Variants in FOCAD observed in about 807,000 individuals in gnomAD.
FOCAD encodes the protein focadhesin.
In FOCAD, 198 loss-of-function variants were observed where a neutral mutation model predicts 225.6. The ratio of observed to expected loss-of-function variants is 0.88; its 90% CI spans 0.78 to 0.99. The LOEUF (loss-of-function observed/expected upper bound fraction) is 0.99, where lower values mean the gene tolerates loss of function less well. Ranked by LOEUF, FOCAD falls within the 50% of genes least tolerant of loss-of-function variation. The probability of loss-of-function intolerance (pLI) is 0.00; values close to 1 mark genes in which losing one functional copy is unlikely to be tolerated. For missense variants in FOCAD, 2,713 were observed against 2,123.6 expected, an observed-to-expected ratio of 1.28 and a Z score of -5.46; for synonymous variants, 897 against 755.0, an observed-to-expected ratio of 1.19 and a Z score of -3.08.
At chr9:20,868,300 C>T (rs552220995) in intron 18 of FOCAD, among the ~76,000 whole-genome samples, 3 of 152,090 alleles carry the variant, frequency 2.0e-5, no homozygotes, top group African/African-American at 7.2e-5. Flanking sequence ...TAAATCACAG[C>T]ATAAAAATTA....
intron 15 of FOCAD, among the ~76,000 whole-genome samples, chr9:20,855,426 T>C (rs1828073698): frequency 6.6e-6 from 1 of 151,642 alleles, no homozygotes; most frequent in South Asian, 2.1e-4. Context: ...TAAATTGTTT[T>C]TTAATTTTTA....
intron 40 of FOCAD, among the ~76,000 whole-genome samples, chr9:20,986,889 G>A (rs539180894): frequency 6.6e-6 from 1 of 152,266 alleles, no homozygotes; most frequent in Non-Finnish European, 1.5e-5. Context: ...GAACTTCTCT[G>A]GGATGAGAAT....
At chr9:20,714,634 G>GCCTGCCTTCCTTCCTT (rs1270720981) in intron 1 of FOCAD, among the ~76,000 whole-genome samples, 6 of 120,124 alleles carry the variant, frequency 5.0e-5, no homozygotes, top group African/African-American at 1.5e-4. Context: ...CTGCCTGCCT[G>GCCTGCCTTCCTTCCTT]CCTTCCTTCC....
chr9:20,952,913 T>C (rs1324721622), intron 34 of FOCAD, 72 bp from the exon 35 acceptor site: 1 of 1,159,674 alleles, frequency 8.6e-7, no homozygotes, highest in Non-Finnish European at 1.3e-6. Flanking sequence ...TATGGCAGCA[T>C]GAGATCATTA....
chr9:20,841,396 C>CT (rs139706361), intron 15 of FOCAD, among the ~76,000 whole-genome samples: 2,399 of 144,734 alleles, frequency 0.017, 29 homozygotes, highest in Non-Finnish European at 0.026. Flanking sequence ...AGTTTCTGGG[C>CT]TTTTTTTTTT....
At chr9:20,885,335 A>C in intron 21 of FOCAD, 105 bp downstream of exon 21, 1 of 1,219,064 alleles carries the variant, frequency 8.2e-7, no homozygotes, top group Non-Finnish European at 1.1e-6. Flanking sequence ...TAATTAATGT[A>C]AGTTGCTTTT....
rs566637003 is a variant in FOCAD at position 20,717,677 on chromosome 9, G to A, written c.58-117G>A. ...ATGCCTTCTACATAGCACACACTTA[G>A]TTAATGGGAATTTTACTTAATCCTA... is the stretch of plus-strand genomic sequence containing the variant. On this transcript the variant is annotated intron_variant, in intron 2 of 43. Transcript: ENST00000338382. The A allele has an allele frequency of 1.2e-4, 90 of 739,554 alleles. No individual in the cohort carries two copies. The African/African-American group carries it at 1.5e-3, about 13-fold the overall frequency. 45.8% of individuals were successfully genotyped at this position (739,554 alleles called of 1,614,324 possible). A position where few individuals can be genotyped will look rare whatever the true frequency, so the allele number is the denominator to read the frequency against.
At chr9:20,723,611 G>T (rs1398698876) in intron 4 of FOCAD, among the ~76,000 whole-genome samples, 1 of 152,218 alleles carries the variant, frequency 6.6e-6, no homozygotes, top group South Asian at 2.1e-4. Context: ...AAGACAAACT[G>T]TTAGTAGGTC....
intron 15 of FOCAD, among the ~76,000 whole-genome samples, chr9:20,839,463 G>T (rs1327854994): frequency 6.6e-6 from 1 of 151,662 alleles, no homozygotes; most frequent in Non-Finnish European, 1.5e-5. Flanking sequence ...GGTTTGCCAT[G>T]TTGCCCAGGC....
chr9:20,730,878 A>T (rs1826628586), intron 4 of FOCAD, among the ~76,000 whole-genome samples: 1 of 152,148 alleles, frequency 6.6e-6, no homozygotes. Flanking sequence ...GTTGGTTTTA[A>T]TGTTGTAGGA....
At chr9:20,706,909 G>A (rs1005095724) in intron 1 of FOCAD, among the ~76,000 whole-genome samples, 1 of 152,178 alleles carries the variant, frequency 6.6e-6, no homozygotes, top group African/African-American at 2.4e-5. Context: ...CTTCATGTGC[G>A]TGGTTGTGTC....
intron 5 of FOCAD, among the ~76,000 whole-genome samples, chr9:20,748,345 A>G (rs1828244705): frequency 6.6e-6 from 1 of 152,012 alleles, no homozygotes; most frequent in South Asian, 2.1e-4. Context: ...CAGGAGTTCT[A>G]AGGAGACTGA....
At position 20,789,541 on chromosome 9, in the gene FOCAD, A is replaced by G; in HGVS notation, c.1388A>G (p.Asp463Gly). The G allele has an allele frequency of 6.2e-7, 1 of 1,614,012 alleles. No homozygotes were observed. Among genetic ancestry groups the G allele is most frequent in the Non-Finnish European group, 8.5e-7 (1 of 1,179,974 alleles). ...FLLLAHLLVE[D>G]KGQNLHQILK... ...CTGCTGGCTCACCTCCTTGTTGAAG[A>G]CAAAGGACAAAATCTTCACCAAATA... Residue 463 changes from aspartate (D) to glycine (G), a missense_variant, in exon 11 of 44, where the codon GAC (aspartate) becomes GGC (glycine). By Grantham distance (94) the Asp-to-Gly change is moderately conservative. Transcript: ENST00000338382.
rs11323627 is a variant in FOCAD, at chr9:20,829,417, G to GT, written c.1920+6311dup. On this transcript the variant is annotated intron_variant, in intron 15 of 43. Coordinates refer to ENST00000338382, the MANE Select transcript of FOCAD (RefSeq NM_001375567.1). ...TTAATACCAACACTTTTTATTATCT[G>GT]TTTTTTTTTCAAACTATAGCCATCC... 3.8e-4 allele frequency among the ~76,000 whole-genome samples: 57 copies of GT among 150,224 alleles called. 1 individual carries two copies. Among genetic ancestry groups the GT allele is most frequent in the African/African-American group, 8.1e-4 (33 of 40,920 alleles).
intron 35 of FOCAD, among the ~76,000 whole-genome samples, chr9:20,966,130 G>T (rs767579357): frequency 3.3e-5 from 5 of 151,932 alleles, no homozygotes; most frequent in Non-Finnish European, 7.4e-5. Flanking sequence ...CACAGTGGCC[G>T]CACTGTTTTA....
intron 21 of FOCAD, among the ~76,000 whole-genome samples, chr9:20,887,176 C>T (rs138328337): frequency 7.2e-5 from 11 of 152,220 alleles, no homozygotes; most frequent in Non-Finnish European, 1.5e-4. Flanking sequence ...TTTTGATCCT[C>T]CCATTACTTT....
chr9:20,715,834 G>T (rs1825288065), intron 2 of FOCAD, among the ~76,000 whole-genome samples: 1 of 151,930 alleles, frequency 6.6e-6, no homozygotes, highest in South Asian at 2.1e-4. Flanking sequence ...AAAATATCCT[G>T]GATTAGAAAA....
At chr9:20,704,289 T>C (rs927891538) in intron 1 of FOCAD, among the ~76,000 whole-genome samples, 1 of 152,230 alleles carries the variant, frequency 6.6e-6, no homozygotes, top group Admixed American at 6.5e-5. Flanking sequence ...AGAAATTTAC[T>C]ATCTTGTTGT....
intron 21 of FOCAD, among the ~76,000 whole-genome samples, chr9:20,901,422 A>C (rs1044080386): frequency 6.6e-6 from 1 of 151,946 alleles, no homozygotes; most frequent in African/African-American, 2.4e-5. Flanking sequence ...TACTCTTCCA[A>C]TCCCATTCTA....
Sources: gnomAD v4.1 joint callset for allele counts (sites outside exome capture counted in the v4.1 genomes callset) on GRCh38, gnomAD v4.1.1 for gene constraint, MANE v1.5 for transcripts, NCBI Gene and HGNC (gene_info 2026-07-23, HGNC 2026-07-21) for gene names.